CACNA2D4: variants seen among roughly 807,000 people sequenced by gnomAD.
The protein encoded by CACNA2D4 is voltage-dependent calcium channel subunit alpha-2/delta-4.
CACNA2D4 carries 157 observed loss-of-function variants against 163.8 expected under a neutral mutation model. The ratio of observed to expected loss-of-function variants is 0.96; its 90% CI spans 0.84 to 1.09. The LOEUF (loss-of-function observed/expected upper bound fraction) is 1.09. Ranked by LOEUF, CACNA2D4 falls within the 50% of genes least tolerant of loss-of-function variation. The probability of loss-of-function intolerance (pLI) is 0.00; values close to 1 mark genes in which losing one functional copy is unlikely to be tolerated. For synonymous variants in CACNA2D4, 598 were observed against 586.9 expected, an observed-to-expected ratio of 1.02 and a Z score of -0.27; for missense variants, 1,410 against 1,479.9, an observed-to-expected ratio of 0.95 and a Z score of 0.78.
In CACNA2D4 at chr12:1,843,294, TC is replaced by T. The variant is rs1048512836; in HGVS notation, c.2470+1107del. Among the ~76,000 whole-genome samples the T allele has an allele frequency of 1.1e-4, 16 of 152,010 alleles. No individual in the cohort carries two copies. The highest frequency in any genetic ancestry group is 1.0e-3 in the Admixed American group (16 of 15,264). On this transcript the variant is annotated intron_variant, in intron 25 of 37. Coordinates refer to ENST00000382722, the MANE Select transcript of CACNA2D4 (RefSeq NM_172364.5). The surrounding 1 kb of genome is among the most constrained non-coding windows in gnomAD (Gnocchi z 4.6). ...AGGAGGATCCCCGGGATCCTGGGCC[TC>T]CCCAGCCATCAGCTCCAGGACATTT...
At chr12:1,898,075 AC>A (rs1357994978) in intron 6 of CACNA2D4, among the ~76,000 whole-genome samples, 1 of 152,218 alleles carries the variant, frequency 6.6e-6, no homozygotes, top group Non-Finnish European at 1.5e-5. Context: ...ATATTTATCT[AC>A]ATTCCCATAT....
At chr12:1,818,587 GTCA>G (rs1863966065) in intron 26 of CACNA2D4, among the ~76,000 whole-genome samples, 1 of 151,244 alleles carries the variant, frequency 6.6e-6, no homozygotes, top group African/African-American at 2.5e-5. Flanking sequence ...CTCGTTAAAA[GTCA>G]TCACCACTCC....
chr12:1,873,592 A>G (rs1371608199), intron 18 of CACNA2D4, among the ~76,000 whole-genome samples: 1 of 152,210 alleles, frequency 6.6e-6, no homozygotes, highest in Non-Finnish European at 1.5e-5. Flanking sequence ...TTGTCAGTTC[A>G]GTGCTGTGGC....
At chr12:1,827,978 A>T in intron 26 of CACNA2D4, 1 of 473,028 alleles carries the variant, frequency 2.1e-6, no homozygotes, top group Non-Finnish European at 3.7e-6. Context: ...AGGAGAGGGC[A>T]TGAGGAGTGT....
At chr12:1,907,733 T>G (rs1237604948) in intron 5 of CACNA2D4, 142 bp downstream of exon 5, 21 of 1,211,860 alleles carry the variant, frequency 1.7e-5, no homozygotes, top group East Asian at 2.6e-5. Context: ...CTGGTGGGCG[T>G]GCCTGGTGGG....
intron 6 of CACNA2D4, among the ~76,000 whole-genome samples, chr12:1,899,533 A>G (rs1396470706): frequency 6.6e-6 from 1 of 152,178 alleles, no homozygotes; most frequent in East Asian, 1.9e-4. Context: ...AATAAATTTG[A>G]AAAGTCAGAT....
At position 1,878,049 on chromosome 12, in the gene CACNA2D4, G is replaced by A. The variant is rs952720073; in HGVS notation, c.1719+266C>T. On this transcript the variant is annotated intron_variant, in intron 16 of 37. Transcript: ENST00000382722. The surrounding 1 kb of genome is among the most constrained non-coding windows in gnomAD (Gnocchi z 4.6). The stretch of plus-strand genomic sequence containing the variant: ...AAGCAGATGTGAATAATGGCCCTGC[G>A]GGCTCTTTAGCCTCAAAACTGCACA... Among the ~76,000 whole-genome samples, 1 of 152,160 alleles carries A rather than the reference G, an allele frequency of 6.6e-6. No individual in the cohort carries two copies. The highest frequency in any genetic ancestry group is 6.5e-5 in the Admixed American group (1 of 15,278).
chr12:1,865,305 CCA>C (rs1429541716), intron 18 of CACNA2D4, among the ~76,000 whole-genome samples: 1 of 152,188 alleles, frequency 6.6e-6, no homozygotes, highest in African/African-American at 2.4e-5. Context: ...GGTAGAGATT[CCA>C]CAGTCCTGAT....
intron 26 of CACNA2D4, among the ~76,000 whole-genome samples, chr12:1,815,999 C>CGCTTGCATCCCCTG (rs1426599662): frequency 6.6e-6 from 1 of 152,180 alleles, no homozygotes; most frequent in Non-Finnish European, 1.5e-5. Flanking sequence ...CGTGCCCAAC[C>CGCTTGCATCCCCTG]GCTTGCATCC....
intron 23 of CACNA2D4, among the ~76,000 whole-genome samples, chr12:1,848,781 A>T (rs543391074): frequency 5.3e-5 from 8 of 150,654 alleles, no homozygotes; most frequent in South Asian, 4.2e-4. Context: ...TATTATTATT[A>T]TTTTTATTTA....
At chr12:1,827,092 G>A (rs1396449677) in intron 26 of CACNA2D4, among the ~76,000 whole-genome samples, 1 of 152,210 alleles carries the variant, frequency 6.6e-6, no homozygotes, top group Admixed American at 6.5e-5. Context: ...AGCCCGTGGA[G>A]GGCGAAGGAG....
intron 26 of CACNA2D4, among the ~76,000 whole-genome samples, chr12:1,822,861 A>G (rs1481549253): frequency 1.3e-5 from 2 of 152,056 alleles, no homozygotes; most frequent in African/African-American, 4.8e-5. Flanking sequence ...TCCTGGCCAC[A>G]TGGAATCTCG....
intron 29 of CACNA2D4, among the ~76,000 whole-genome samples, chr12:1,804,892 C>A (rs1335334600): frequency 6.6e-6 from 1 of 152,252 alleles, no homozygotes; most frequent in African/African-American, 2.4e-5. Flanking sequence ...TAAGCCACTT[C>A]TCTTCTGGCA....
chr12:1,911,093 G>A (rs1027030785), intron 3 of CACNA2D4, among the ~76,000 whole-genome samples: 8 of 144,722 alleles, frequency 5.5e-5, no homozygotes, highest in Non-Finnish European at 8.9e-5. Flanking sequence ...GTGCAATCTC[G>A]GCTCACTGCA....
chr12:1,904,549 G>A (rs1329751791), intron 6 of CACNA2D4, among the ~76,000 whole-genome samples: 1 of 151,922 alleles, frequency 6.6e-6, no homozygotes, highest in Non-Finnish European at 1.5e-5. Flanking sequence ...TTATTAGTTT[G>A]TGGTTTTGGG....
At chr12:1,831,056 C>G (rs373151998) in intron 26 of CACNA2D4, 1 of 1,614,064 alleles carries the variant, frequency 6.2e-7, no homozygotes. Flanking sequence ...CCACGGTGCC[C>G]CCAGACGTGC....
rs1867018631 is a variant in CACNA2D4 at position 1,917,594 on chromosome 12, A to AAACCTCT, written c.227+652_227+653insAGAGGTT. Among the ~76,000 whole-genome samples the AAACCTCT allele has an allele frequency of 6.6e-6, 1 of 152,138 alleles. No homozygotes were observed. Among genetic ancestry groups the AAACCTCT allele is most frequent in the African/African-American group, 2.4e-5 (1 of 41,420 alleles). On this transcript the variant is annotated intron_variant, in intron 1 of 37. Transcript: ENST00000382722. This position sits in a 1 kb window ranked among gnomAD's most constrained non-coding sequence, Gnocchi z 4.3. ...GGCCTAAAACACAGACACCCCAGAGAGGTTGCACAGTAATTTACATGTACA... is the reference window on the plus strand; with the variant it reads ...GGCCTAAAACACAGACACCCCAGAGAAACCTCTGGTTGCACAGTAATTTACATGTACA...
At chr12:1,805,187 CT>C (rs764062544) in intron 29 of CACNA2D4, among the ~76,000 whole-genome samples, 5 of 152,152 alleles carry the variant, frequency 3.3e-5, no homozygotes, top group African/African-American at 1.2e-4. Context: ...AGGACCCCCC[CT>C]GCCTGGCCTT....
Position 1,858,526 on chromosome 12 carries a change from G to A in CACNA2D4, c.2008+51C>T, listed in dbSNP as rs540696448. On this transcript the variant is annotated intron_variant, in intron 20 of 37. Transcript: ENST00000382722. ...GTTGGCCCTGCCCAGTGTCCCATGA[G>A]AGCCCATTATTTTCTGCTTAACTGT... 6 of 1,546,884 alleles carry A rather than the reference G, an allele frequency of 3.9e-6. No homozygotes were observed. The African/African-American group carries it at 6.8e-5, about 18-fold the overall frequency.
Sources: allele counts gnomAD v4.1 joint callset (sites outside exome capture counted in the v4.1 genomes callset), GRCh38; gene constraint gnomAD v4.1.1; non-coding constraint Gnocchi (gnomAD v3.1); transcripts MANE v1.5; gene names NCBI Gene and HGNC (gene_info 2026-07-23, HGNC 2026-07-21).